The following CRISPLD2 variants were observed in gnomAD, a reference collection of about 807,000 sequenced individuals.
CRISPLD2 encodes cysteine rich secretory protein LCCL domain containing 2, also known as cysteine-rich secretory protein LCCL domain-containing 2.
Under a neutral mutation model 71.1 loss-of-function variants are expected in CRISPLD2, and 47 were observed. That is an observed-to-expected ratio of 0.66 (90% CI 0.52 to 0.84). The LOEUF is 0.84. CRISPLD2 is among the 40% of genes least tolerant of loss of function. The pLI, the probability that CRISPLD2 is intolerant of heterozygous loss-of-function variation, is 0.00. For missense variants in CRISPLD2, 830 were observed against 651.1 expected, an observed-to-expected ratio of 1.27 and a Z score of -2.99; for synonymous variants, 317 against 250.1, an observed-to-expected ratio of 1.27 and a Z score of -2.52.
chr16:84,832,376 G>C (rs1916508927), intron 1 of CRISPLD2, among the ~76,000 whole-genome samples: 1 of 152,256 alleles, frequency 6.6e-6, no homozygotes, highest in African/African-American at 2.4e-5. Flanking sequence ...ATTGAACCCA[G>C]GTCTCTCTTC....
chr16:84,904,473 A>G (rs1293439305), intron 14 of CRISPLD2, among the ~76,000 whole-genome samples: 3 of 152,124 alleles, frequency 2.0e-5, no homozygotes, highest in African/African-American at 7.2e-5. Flanking sequence ...AATCCCAGCT[A>G]CTTGGGAGGC....
chr16:84,849,343 A>G (rs1597456938), intron 3 of CRISPLD2, 42 bp from the exon 4 acceptor site: 1 of 1,566,094 alleles, frequency 6.4e-7, no homozygotes, highest in Non-Finnish European at 8.7e-7. Context: ...CTGGTGGGTG[A>G]GGGGAGGGGC....
chr16:84,872,788 A>C (rs1567696599), intron 9 of CRISPLD2, among the ~76,000 whole-genome samples: 1 of 152,184 alleles, frequency 6.6e-6, no homozygotes, highest in Non-Finnish European at 1.5e-5. Context: ...TTAGTTTGTA[A>C]AGCAACTCAG....
At chr16:84,845,342 A>G (rs1361161919) in intron 2 of CRISPLD2, among the ~76,000 whole-genome samples, 1 of 152,236 alleles carries the variant, frequency 6.6e-6, no homozygotes, top group African/African-American at 2.4e-5. Context: ...TGCCTGGATC[A>G]TGCGTAGTAA....
intron 14 of CRISPLD2, among the ~76,000 whole-genome samples, chr16:84,893,766 A>G (rs2071682692): frequency 6.6e-6 from 1 of 152,118 alleles, no homozygotes; most frequent in African/African-American, 2.4e-5. Flanking sequence ...TCCTTTCCTT[A>G]TTTAGGTGGG....
At chr16:84,827,438 C>T (rs1916379759) in intron 1 of CRISPLD2, among the ~76,000 whole-genome samples, 1 of 152,182 alleles carries the variant, frequency 6.6e-6, no homozygotes, top group Non-Finnish European at 1.5e-5. Flanking sequence ...TGGCTGCCTC[C>T]TGACCCCATT....
chr16:84,890,993 C>G (rs1309623708), intron 14 of CRISPLD2, among the ~76,000 whole-genome samples: 1 of 152,164 alleles, frequency 6.6e-6, no homozygotes, highest in Non-Finnish European at 1.5e-5. Context: ...TCTCCAACTC[C>G]TGACCTCAGG....
At chr16:84,876,639 A>T (rs1204884829) in intron 11 of CRISPLD2, among the ~76,000 whole-genome samples, 2 of 152,140 alleles carry the variant, frequency 1.3e-5, no homozygotes, top group African/African-American at 4.8e-5. Context: ...CTGAAAATAC[A>T]AAAATTAGCT....
At position 84,838,697 on chromosome 16, in the gene CRISPLD2, G is replaced by T. The variant is rs138134389; in HGVS notation, c.202G>T (p.Gly68Cys). Reference sequence around the variant, plus strand: ...CCTCATGCTGCACAACAAGCTTCGGGGCCAGGTGCAGCCTCAGGCCTCCAA... The same window carrying T: ...CCTCATGCTGCACAACAAGCTTCGGTGCCAGGTGCAGCCTCAGGCCTCCAA... The part of the protein sequence containing the change: ...EILMLHNKLR[G>C]QVQPQASNME... Residue 68 changes from glycine to cysteine, a missense_variant, in exon 2 of 15, where the codon GGC becomes TGC. Transcript: ENST00000262424. The T allele has an allele frequency of 1.7e-5, 27 of 1,613,946 alleles. No homozygotes were observed. The South Asian group carries it at 1.9e-4, about 11-fold the overall frequency.
At chr16:84,874,558 G>C (rs999063622) in intron 11 of CRISPLD2, among the ~76,000 whole-genome samples, 2 of 152,198 alleles carry the variant, frequency 1.3e-5, no homozygotes, top group Admixed American at 6.5e-5. Flanking sequence ...ATAATCTCAG[G>C]CAAGCAAGGA....
chr16:84,828,430 C>T (rs1916409033), intron 1 of CRISPLD2: 1 of 152,214 alleles, frequency 6.6e-6, no homozygotes, highest in Non-Finnish European at 1.5e-5. Context: ...TGAGGCATGC[C>T]CAGCTCCATG....
intron 10 of CRISPLD2, 137 bp downstream of exon 10, chr16:84,873,259 C>A (rs979940907): frequency 4.1e-6 from 4 of 979,966 alleles, no homozygotes; most frequent in Non-Finnish European, 5.9e-6. Flanking sequence ...AGGTGGATCA[C>A]CTGAGGTCAG....
chr16:84,825,481 C>T (rs1393269184), intron 1 of CRISPLD2, among the ~76,000 whole-genome samples: 2 of 152,102 alleles, frequency 1.3e-5, no homozygotes, highest in Non-Finnish European at 2.9e-5. Context: ...AAAGGCCCAG[C>T]GCAGTGGCGT....
At chr16:84,837,478 G>A (rs375663438) in intron 1 of CRISPLD2, among the ~76,000 whole-genome samples, 2 of 149,606 alleles carry the variant, frequency 1.3e-5, no homozygotes, top group South Asian at 2.1e-4. Flanking sequence ...GTGCAGTGGC[G>A]CAATCTCGGC....
chr16:84,880,540 C>G lies in CRISPLD2; in HGVS notation c.1261C>G (p.Pro421Ala). 6.2e-7 allele frequency: 1 copy of G among 1,613,814 alleles called. No individual in the cohort carries two copies. The change falls in exon 13 of 15, where the codon CCT becomes GCT. Residue 421 changes from proline (P) to alanine (A), a missense_variant. By Grantham distance (27) the Pro-to-Ala change is conservative. Coordinates refer to ENST00000262424, the MANE Select transcript of CRISPLD2 (RefSeq NM_031476.4). ...IHCPAHCKDEPSYWAPVFGTN... is the reference protein window; with the variant it reads ...IHCPAHCKDEASYWAPVFGTN... ...TTGTCCGGCACACTGCAAAGACGAA[C>G]CTTCCTACTGGGCTCCGGTGTTTGG...
At chr16:84,875,489 C>A (rs1245029310) in intron 11 of CRISPLD2, among the ~76,000 whole-genome samples, 3 of 135,802 alleles carry the variant, frequency 2.2e-5, no homozygotes, top group Non-Finnish European at 4.6e-5. Context: ...TAGCCCAAGA[C>A]AATTCTTTTT....
chr16:84,893,159 C>T (rs1473127926), intron 14 of CRISPLD2, among the ~76,000 whole-genome samples: 1 of 152,016 alleles, frequency 6.6e-6, no homozygotes, highest in Non-Finnish European at 1.5e-5. Context: ...GGGGACACTG[C>T]TCCCCCAGTC....
chr16:84,836,002 A>C (rs1157828143), intron 1 of CRISPLD2, among the ~76,000 whole-genome samples: 1 of 152,230 alleles, frequency 6.6e-6, no homozygotes, highest in African/African-American at 2.4e-5. Context: ...CTTTTTGAGC[A>C]CTGCCCTGAA....
At chr16:84,883,709 A>T (rs2071587677) in intron 13 of CRISPLD2, among the ~76,000 whole-genome samples, 1 of 152,196 alleles carries the variant, frequency 6.6e-6, no homozygotes, top group South Asian at 2.1e-4. Flanking sequence ...CCACTGGGCT[A>T]GCGATGACAA....
Sources: allele counts gnomAD v4.1 joint callset (sites outside exome capture counted in the v4.1 genomes callset), GRCh38; gene constraint gnomAD v4.1.1; transcripts MANE v1.5; gene names NCBI Gene and HGNC (gene_info 2026-07-23, HGNC 2026-07-21).